NTM: variants seen among roughly 807,000 people sequenced by gnomAD.
The protein encoded by NTM is neurotrimin.
In NTM, 13 loss-of-function variants were observed where a neutral mutation model predicts 42.1. The observed-to-expected ratio is 0.31, with a 90% CI of 0.20 to 0.49. The LOEUF (loss-of-function observed/expected upper bound fraction) is 0.49, where lower values mean the gene tolerates loss of function less well. Among genes scored for constraint, NTM ranks in the 20% least tolerant of loss-of-function variants. NTM has a pLI of 0.99. For synonymous variants in NTM, 187 were observed against 179.2 expected, an observed-to-expected ratio of 1.04 and a Z score of -0.35; for missense variants, 373 against 452.8, an observed-to-expected ratio of 0.82 and a Z score of 1.60.
intron 1 of NTM, among the ~76,000 whole-genome samples, chr11:131,481,755 C>T (rs764058547): frequency 6.6e-6 from 1 of 152,104 alleles, no homozygotes; most frequent in Admixed American, 6.5e-5. Flanking sequence ...GTTAACAGTA[C>T]AATCTCTGCT....
chr11:132,227,554 C>T (rs542958853), intron 4 of NTM, among the ~76,000 whole-genome samples: 83 of 151,762 alleles, frequency 5.5e-4, no homozygotes, highest in Non-Finnish European at 1.1e-3. Flanking sequence ...GCTATTATTG[C>T]GGTGTAATTA....
chr11:131,439,447 C>G (rs1473713472), intron 1 of NTM, among the ~76,000 whole-genome samples: 1 of 152,212 alleles, frequency 6.6e-6, no homozygotes, highest in Admixed American at 6.5e-5. Flanking sequence ...TCTTTCTGAG[C>G]TATGGTGGGC....
intron 2 of NTM, among the ~76,000 whole-genome samples, chr11:131,950,036 C>T (rs1430444550): frequency 1.3e-5 from 2 of 152,194 alleles, no homozygotes; most frequent in Non-Finnish European, 2.9e-5. Context: ...TGGTGCTTGA[C>T]CATATTCAGT....
intron 1 of NTM, among the ~76,000 whole-genome samples, chr11:131,708,743 A>T (rs2135267197): frequency 6.6e-6 from 1 of 152,316 alleles, no homozygotes; most frequent in Admixed American, 6.5e-5. Flanking sequence ...TTATGGGCAT[A>T]AATCCTGAAA....
intron 3 of NTM, among the ~76,000 whole-genome samples, chr11:132,198,582 A>G (rs191256390): frequency 1.1e-3 from 175 of 152,338 alleles, no homozygotes; most frequent in African/African-American, 4.0e-3. Context: ...TACCACAGTA[A>G]AAGCTTTGAA....
At chr11:131,540,783 G>A (rs1330707233) in intron 1 of NTM, 1 of 152,206 alleles carries the variant, frequency 6.6e-6, no homozygotes, top group East Asian at 1.9e-4. Context: ...AAAGCCAGTT[G>A]TGAGAGAAAT....
chr11:131,412,233 G>C (rs1946499019), intron 1 of NTM, among the ~76,000 whole-genome samples: 1 of 152,154 alleles, frequency 6.6e-6, no homozygotes, highest in Non-Finnish European at 1.5e-5. Context: ...TCATGGGCCT[G>C]TAAGTTCTCA....
chr11:132,275,356 G>A (rs531875808), intron 4 of NTM, among the ~76,000 whole-genome samples: 1 of 152,024 alleles, frequency 6.6e-6, no homozygotes, highest in Non-Finnish European at 1.5e-5. Flanking sequence ...TATATGTATG[G>A]GTATTTGGGA....
chr11:131,739,246 A>G (rs950246361), intron 1 of NTM, among the ~76,000 whole-genome samples: 3 of 152,160 alleles, frequency 2.0e-5, no homozygotes, highest in Non-Finnish European at 4.4e-5. Context: ...CAAGATATCA[A>G]AACAGCTTTT....
chr11:131,718,757 G>A (rs1001739765), intron 1 of NTM, among the ~76,000 whole-genome samples: 1 of 151,954 alleles, frequency 6.6e-6, no homozygotes, highest in Non-Finnish European at 1.5e-5. Flanking sequence ...GATCTTCCAG[G>A]GCTTTCAGTT....
At chr11:131,909,651 C>G (rs886349158) in intron 1 of NTM, 1 of 152,320 alleles carries the variant, frequency 6.6e-6, no homozygotes, top group Non-Finnish European at 1.5e-5. Context: ...CTGTGCTTCC[C>G]CCTTGCACAA....
intron 1 of NTM, among the ~76,000 whole-genome samples, chr11:131,684,505 G>T (rs2073540263): frequency 6.6e-6 from 1 of 152,206 alleles, no homozygotes; most frequent in Non-Finnish European, 1.5e-5. Context: ...CCAGGGAGCT[G>T]GGAGGAGCAT....
At chr11:131,504,188 C>G (rs2047195979) in intron 1 of NTM, among the ~76,000 whole-genome samples, 1 of 152,208 alleles carries the variant, frequency 6.6e-6, no homozygotes, top group Admixed American at 6.5e-5. Flanking sequence ...CCACCAGCCA[C>G]CTCTGTCCTC....
At chr11:131,604,156 G>T (rs1373444220) in intron 1 of NTM, among the ~76,000 whole-genome samples, 1 of 152,110 alleles carries the variant, frequency 6.6e-6, no homozygotes, top group East Asian at 1.9e-4. Flanking sequence ...AGTGTGTGAG[G>T]GTTCCAATTC....
At chr11:131,780,028 G>A (rs962943425) in intron 1 of NTM, among the ~76,000 whole-genome samples, 27 of 152,192 alleles carry the variant, frequency 1.8e-4, no homozygotes, top group African/African-American at 4.6e-4. Flanking sequence ...TCCCTGGGGC[G>A]TTCACAGGAA....
chr11:132,102,485 C>T (rs1010283607), intron 2 of NTM, among the ~76,000 whole-genome samples: 7 of 152,242 alleles, frequency 4.6e-5, no homozygotes, highest in Admixed American at 2.6e-4. Context: ...AACTGCACCA[C>T]GAACAAAAGC....
chr11:132,212,386 T>C (rs999562921), intron 4 of NTM, among the ~76,000 whole-genome samples: 1 of 152,194 alleles, frequency 6.6e-6, no homozygotes, highest in Non-Finnish European at 1.5e-5. Flanking sequence ...TTAATCTCTG[T>C]TGTCTCTGGG....
chr11:131,675,544 GT>G (rs1301986675), intron 1 of NTM, among the ~76,000 whole-genome samples: 1 of 152,158 alleles, frequency 6.6e-6, no homozygotes, highest in Non-Finnish European at 1.5e-5. Flanking sequence ...AATAAGGGAG[GT>G]AGGATTATCT....
At chr11:132,095,108 C>T (rs1433653379) in intron 2 of NTM, among the ~76,000 whole-genome samples, 1 of 152,212 alleles carries the variant, frequency 6.6e-6, no homozygotes, top group African/African-American at 2.4e-5. Flanking sequence ...GCGCTCCCCT[C>T]TTTTTGTCTG....
Sources: gnomAD v4.1 joint callset for allele counts (sites outside exome capture counted in the v4.1 genomes callset) on GRCh38, gnomAD v4.1.1 for gene constraint, MANE v1.5 for transcripts, NCBI Gene and HGNC (gene_info 2026-07-23, HGNC 2026-07-21) for gene names.